TMEM267: variants seen among roughly 807,000 people sequenced by gnomAD.
The protein encoded by TMEM267 is transmembrane protein 267, also known as transmembrane protein C5orf28.
Under a neutral mutation model 19.3 loss-of-function variants are expected in TMEM267, and 20 were observed. The ratio of observed to expected loss-of-function variants is 1.04; its 90% CI spans 0.73 to 1.51. The LOEUF (loss-of-function observed/expected upper bound fraction) is 1.51, where lower values mean the gene tolerates loss of function less well. TMEM267 is among the 40% of genes most tolerant of loss of function. The pLI is 0.00. For missense variants in TMEM267, 242 were observed against 261.9 expected, an observed-to-expected ratio of 0.92 and a Z score of 0.52; for synonymous variants, 88 against 90.3, an observed-to-expected ratio of 0.97 and a Z score of 0.15.
intron 1 of TMEM267, among the ~76,000 whole-genome samples, chr5:43,467,379 T>C (rs10045455): frequency 0.61 from 92,999 of 151,780 alleles, 31,174 homozygotes; most frequent in African/African-American, 0.89. Flanking sequence ...AGACTGAAAG[T>C]GAAGGGATGG....
chr5:43,459,716 A>G (rs1743146726), intron 1 of TMEM267, among the ~76,000 whole-genome samples: 1 of 152,136 alleles, frequency 6.6e-6, no homozygotes, highest in Admixed American at 6.6e-5. Context: ...GTGGTCAATA[A>G]AAGGCATAAT....
chr5:43,481,754 T>C (rs774616262), intron 1 of TMEM267, among the ~76,000 whole-genome samples: 9 of 152,126 alleles, frequency 5.9e-5, no homozygotes, highest in Non-Finnish European at 1.3e-4. Context: ...GCCGACATCC[T>C]GACTGCAACT....
At chr5:43,459,089 T>G (rs933630538) in intron 1 of TMEM267, among the ~76,000 whole-genome samples, 4 of 152,064 alleles carry the variant, frequency 2.6e-5, no homozygotes, top group African/African-American at 4.8e-5. Context: ...TTTACAGAAC[T>G]CTGAGAGAAA....
At chr5:43,475,859 A>G (rs1744387942) in intron 1 of TMEM267, among the ~76,000 whole-genome samples, 1 of 152,218 alleles carries the variant, frequency 6.6e-6, no homozygotes, top group Non-Finnish European at 1.5e-5. Context: ...AGCAAGAATG[A>G]AACAACAAAA....
At position 43,472,447 on chromosome 5, in the gene TMEM267, C is replaced by T. The variant is rs567155181; in HGVS notation, c.-75+11375G>A. On this transcript the variant is annotated intron_variant, in intron 1 of 2. Coordinates refer to ENST00000397080, the MANE Select transcript of TMEM267 (RefSeq NM_022483.5). ...CAGCAATCCCACTGCTGGGTATATA[C>T]CGAAAAGAAAGGAAATCAGTATATC... Among the ~76,000 whole-genome samples the T allele has an allele frequency of 9.9e-5, 15 of 152,018 alleles. No individual in the cohort carries two copies. The South Asian group carries it at 3.1e-3, about 32-fold the overall frequency.
At chr5:43,474,585 T>G (rs1744298164) in intron 1 of TMEM267, among the ~76,000 whole-genome samples, 1 of 151,440 alleles carries the variant, frequency 6.6e-6, no homozygotes, top group African/African-American at 2.4e-5. Flanking sequence ...CACGGAGAAA[T>G]CCCATCTCTA....
At chr5:43,482,473 G>A (rs1417950202) in intron 1 of TMEM267, among the ~76,000 whole-genome samples, 1 of 151,872 alleles carries the variant, frequency 6.6e-6, no homozygotes, top group African/African-American at 2.4e-5. Flanking sequence ...ACGGACTCCC[G>A]AACCTCCTTT....
chr5:43,459,454 T>C (rs1027268067), intron 1 of TMEM267, among the ~76,000 whole-genome samples: 1 of 152,036 alleles, frequency 6.6e-6, no homozygotes, highest in African/African-American at 2.4e-5. Flanking sequence ...AAAGAAAACA[T>C]CACTAAATTA....
chr5:43,447,992 G>T (rs1300694749), intron 2 of TMEM267, among the ~76,000 whole-genome samples: 4 of 152,146 alleles, frequency 2.6e-5, no homozygotes, highest in Non-Finnish European at 2.9e-5. Flanking sequence ...AAAAGGAAAA[G>T]AAGTAGTAAA....
At chr5:43,449,620 G>A (rs1467996301) in intron 2 of TMEM267, among the ~76,000 whole-genome samples, 4 of 152,168 alleles carry the variant, frequency 2.6e-5, no homozygotes, top group Non-Finnish European at 5.9e-5. Context: ...ATAACTTGCA[G>A]AGGCAATAGT....
At chr5:43,481,828 G>C (rs1744792870) in intron 1 of TMEM267, among the ~76,000 whole-genome samples, 1 of 152,004 alleles carries the variant, frequency 6.6e-6, no homozygotes. Context: ...TAAAATTATT[G>C]TCTACTGTTT....
chr5:43,465,348 C>G (rs1743587207), intron 1 of TMEM267, among the ~76,000 whole-genome samples: 1 of 152,180 alleles, frequency 6.6e-6, no homozygotes, highest in African/African-American at 2.4e-5. Context: ...AATAGGGACA[C>G]TTTTACACTG....
intron 1 of TMEM267, chr5:43,454,664 C>G (rs1427432126): frequency 6.6e-6 from 1 of 152,216 alleles, no homozygotes; most frequent in Non-Finnish European, 1.5e-5. Flanking sequence ...ATCATGATGA[C>G]AGTGAGTACT....
chr5:43,449,764 T>C (rs1742470579), intron 2 of TMEM267, among the ~76,000 whole-genome samples: 1 of 152,134 alleles, frequency 6.6e-6, no homozygotes, highest in Admixed American at 6.5e-5. Flanking sequence ...ACACCTTTAA[T>C]AGGAAGTACA....
Position 43,464,553 on chromosome 5 carries a change from C to A in TMEM267, c.-74-10510G>T, listed in dbSNP as rs573499464. 9.4e-3 allele frequency among the ~76,000 whole-genome samples: 1,439 copies of A among 152,374 alleles called. 6 individuals are homozygous for A. The highest frequency in any genetic ancestry group is 0.033 in the African/African-American group (1,384 of 41,580). On this transcript the variant is annotated intron_variant, in intron 1 of 2. Transcript: ENST00000397080. ...AGGCATCACGCTACCTGACTTCAAA[C>A]TATACTACAAGGCTACAGTAACCAA...
intron 1 of TMEM267, among the ~76,000 whole-genome samples, chr5:43,462,876 C>G (rs372146230): frequency 2.0e-5 from 3 of 151,398 alleles, no homozygotes; most frequent in East Asian, 3.9e-4. Flanking sequence ...ACAATTAAAA[C>G]AACTAGAAAA....
At position 43,469,979 on chromosome 5, in the gene TMEM267, T is replaced by C. The variant is rs1462338097; in HGVS notation, c.-75+13843A>G. 2.0e-5 allele frequency among the ~76,000 whole-genome samples: 3 copies of C among 152,182 alleles called. No homozygotes were observed. The East Asian group carries it at 5.8e-4, about 29-fold the overall frequency. On this transcript the variant is annotated intron_variant, in intron 1 of 2. Transcript: ENST00000397080. ...CTGATTGCTTCCTTTGCCCTATTTA[T>C]GTAAAAATGCAGATTCACTGAGCCA...
chr5:43,474,274 G>A (rs371961733), intron 1 of TMEM267, among the ~76,000 whole-genome samples: 5 of 152,202 alleles, frequency 3.3e-5, no homozygotes, highest in East Asian at 3.9e-4. Flanking sequence ...CTAATTAAAC[G>A]AAAGAGCTTC....
intron 1 of TMEM267, among the ~76,000 whole-genome samples, chr5:43,464,583 G>C (rs1235177262): frequency 1.3e-5 from 2 of 150,906 alleles, no homozygotes; most frequent in African/African-American, 4.9e-5. Context: ...AACCAAAACA[G>C]CATGGTACTG....
Sources: allele counts gnomAD v4.1 joint callset (sites outside exome capture counted in the v4.1 genomes callset), GRCh38; gene constraint gnomAD v4.1.1; transcripts MANE v1.5; gene names NCBI Gene and HGNC (gene_info 2026-07-23, HGNC 2026-07-21).